The following CABLES1 variants were observed in gnomAD, a reference collection of about 807,000 sequenced individuals.
CABLES1 encodes the protein CDK5 and ABL1 enzyme substrate 1.
CABLES1 carries 36 observed loss-of-function variants against 57.8 expected under a neutral mutation model. That is an observed-to-expected ratio of 0.62 (90% CI 0.48 to 0.82). CABLES1 has a LOEUF of 0.82. Among genes scored for constraint, CABLES1 ranks in the 40% least tolerant of loss-of-function variants. CABLES1 has a pLI of 0.00. For synonymous variants in CABLES1, 374 were observed against 363.0 expected, an observed-to-expected ratio of 1.03 and a Z score of -0.35; for missense variants, 767 against 836.6, an observed-to-expected ratio of 0.92 and a Z score of 1.03.
In CABLES1 at chr18:23,233,825, C is replaced by A. The variant is rs150623372; in HGVS notation, c.1089-783C>A. Reference sequence around the variant, plus strand: ...AGAAGTGACTACTGTGGCATTAATTCTTTCATCACCAACAATAAACCCAGT... The same window carrying A: ...AGAAGTGACTACTGTGGCATTAATTATTTCATCACCAACAATAAACCCAGT... On this transcript the variant is annotated intron_variant, in intron 4 of 9. Transcript: ENST00000256925. 1.6e-4 allele frequency among the ~76,000 whole-genome samples: 25 copies of A among 152,306 alleles called. No homozygotes were observed. The East Asian group carries it at 3.5e-3, about 21-fold the overall frequency.
Position 23,253,048 on chromosome 18 carries a change from C to T in CABLES1, c.1535C>T (p.Thr512Ile). 1.2e-6 allele frequency: 2 copies of T among 1,611,754 alleles called. No individual in the cohort carries two copies. The highest frequency in any genetic ancestry group is 1.7e-6 in the Non-Finnish European group (2 of 1,177,908). ...GAGAAGTTTCCTCACATTAAGCTGA[C>T]ACTCAGCAAAATTAGGAGGTACGGG... Reference protein sequence around the residue: ...FKEKFPHIKLTLSKIRSLKRE... With the variant: ...FKEKFPHIKLILSKIRSLKRE... The change falls in exon 8 of 10, where the codon ACA (threonine) becomes ATA (isoleucine). Residue 512 changes from threonine (T) to isoleucine (I), a missense_variant. Thr to Ile is a moderately conservative substitution (Grantham distance 89). This residue lies in a region of CABLES1 where 529 missense variants were observed against 622.8 expected (regional missense o/e 0.85). Coordinates refer to ENST00000256925, the MANE Select transcript of CABLES1 (RefSeq NM_001100619.3).
At chr18:23,222,951 C>G (rs902113636) in intron 4 of CABLES1, among the ~76,000 whole-genome samples, 2 of 152,256 alleles carry the variant, frequency 1.3e-5, no homozygotes, top group Non-Finnish European at 2.9e-5. Context: ...CTCCCACCCA[C>G]TAGCCAGGTG....
intron 3 of CABLES1, among the ~76,000 whole-genome samples, chr18:23,212,541 G>A (rs1289125116): frequency 6.6e-6 from 1 of 152,116 alleles, no homozygotes; most frequent in African/African-American, 2.4e-5. Flanking sequence ...GATTGCATAG[G>A]ATGCCTGCAG....
intron 6 of CABLES1, among the ~76,000 whole-genome samples, chr18:23,236,253 T>G (rs565462469): frequency 7.2e-5 from 11 of 152,318 alleles, no homozygotes; most frequent in African/African-American, 2.6e-4. Context: ...ACCCAGTCGT[T>G]GACAGCCTGA....
intron 3 of CABLES1, among the ~76,000 whole-genome samples, chr18:23,200,550 C>T (rs778791982): frequency 3.3e-5 from 5 of 152,048 alleles, no homozygotes; most frequent in South Asian, 2.1e-4. Flanking sequence ...GCGTGAGCCA[C>T]CGTGCCCGGT....
In CABLES1 at chr18:23,136,081, C is replaced by G; in HGVS notation, c.319C>G (p.Arg107Gly). The G allele has an allele frequency of 3.5e-5, 41 of 1,174,622 alleles. No individual in the cohort carries two copies. Among genetic ancestry groups the G allele is most frequent in the Non-Finnish European group, 4.2e-5 (40 of 952,556 alleles). 72.8% of individuals were successfully genotyped at this position (1,174,622 alleles called of 1,614,324 possible). ...GAGGACGART[R>G]FSLLAAAERG... The stretch of plus-strand genomic sequence containing the variant: ...CGGCGGCGCCTGCGGCGCGAGGACT[C>G]GGTTCAGCTTGCTCGCCGCTGCCGA... Residue 107 changes from arginine to glycine, a missense_variant, in exon 1 of 10, where the codon CGG becomes GGG. Physicochemically the swap from Arg to Gly is moderately radical, Grantham distance 125 (BLOSUM62 -2). This residue lies in a region of CABLES1 where 198 missense variants were observed against 149.7 expected (regional missense o/e 1.32). Coordinates refer to ENST00000256925, the MANE Select transcript of CABLES1 (RefSeq NM_001100619.3).
chr18:23,177,331 C>T (rs1335678388), intron 1 of CABLES1, among the ~76,000 whole-genome samples: 1 of 151,780 alleles, frequency 6.6e-6, no homozygotes, highest in African/African-American at 2.4e-5. Flanking sequence ...CACACTTGCT[C>T]ACCCATGTAA....
intron 1 of CABLES1, among the ~76,000 whole-genome samples, chr18:23,147,181 T>G (rs895275219): frequency 6.6e-6 from 1 of 152,148 alleles, no homozygotes; most frequent in Non-Finnish European, 1.5e-5. Context: ...TTGGTATCAG[T>G]TCCTCCCGCA....
At chr18:23,174,532 C>A (rs1228995789) in intron 1 of CABLES1, among the ~76,000 whole-genome samples, 1 of 151,286 alleles carries the variant, frequency 6.6e-6, no homozygotes, top group Admixed American at 6.6e-5. Flanking sequence ...AGTGCAGTGG[C>A]ACGATCTCAG....
intron 4 of CABLES1, chr18:23,219,039 T>G (rs929115271): frequency 2.7e-6 from 1 of 373,470 alleles, no homozygotes; most frequent in Admixed American, 3.4e-5. Flanking sequence ...TAAAATTTCT[T>G]TATCCCCACC....
At chr18:23,150,290 G>C (rs533181420) in intron 1 of CABLES1, among the ~76,000 whole-genome samples, 3 of 137,248 alleles carry the variant, frequency 2.2e-5, no homozygotes, top group African/African-American at 8.3e-5. Context: ...CTCACTGCCA[G>C]CTCCACCTCC....
chr18:23,241,080 A>C (rs2047724547), intron 7 of CABLES1, among the ~76,000 whole-genome samples: 2 of 152,110 alleles, frequency 1.3e-5, no homozygotes, highest in African/African-American at 4.8e-5. Context: ...TACTATTCTC[A>C]CTTCTGTCAC....
intron 3 of CABLES1, among the ~76,000 whole-genome samples, chr18:23,209,080 T>C (rs2047385157): frequency 6.6e-6 from 1 of 152,234 alleles, no homozygotes; most frequent in Admixed American, 6.5e-5. Flanking sequence ...CCACATGGTC[T>C]GAAAATATTA....
intron 1 of CABLES1, among the ~76,000 whole-genome samples, chr18:23,183,044 A>G (rs1306944800): frequency 1.3e-5 from 2 of 152,246 alleles, no homozygotes; most frequent in African/African-American, 4.8e-5. Flanking sequence ...GGATGACGAC[A>G]GAGCATTAGT....
At chr18:23,135,361 G>A (rs1251915319), upstream of CABLES1, 3 of 152,476 alleles carry the variant, frequency 2.0e-5, no homozygotes, top group Non-Finnish European at 4.4e-5. Flanking sequence ...GCCGCCGCCT[G>A]CGGCTTTGTT....
chr18:23,240,777 G>C (rs1029823243), intron 7 of CABLES1, among the ~76,000 whole-genome samples: 2 of 152,170 alleles, frequency 1.3e-5, no homozygotes, highest in African/African-American at 4.8e-5. Flanking sequence ...TGAAATCCTG[G>C]GACTGTCCTC....
At chr18:23,253,119 C>T (rs979293909) in intron 8 of CABLES1, 53 bp downstream of exon 8, 2 of 985,342 alleles carry the variant, frequency 2.0e-6, no homozygotes, top group Admixed American at 1.7e-5. Context: ...CCTCTTTCCA[C>T]ACACCGTAAG....
chr18:23,235,610 G>A (rs1351919787), intron 5 of CABLES1, among the ~76,000 whole-genome samples: 2 of 152,194 alleles, frequency 1.3e-5, no homozygotes, highest in African/African-American at 2.4e-5. Context: ...AGCAGGTCCT[G>A]AGATAGTACC....
intron 7 of CABLES1, among the ~76,000 whole-genome samples, chr18:23,250,108 G>C (rs1480700426): frequency 6.6e-6 from 1 of 152,216 alleles, no homozygotes; most frequent in Admixed American, 6.5e-5. Context: ...TGCTGTGGTT[G>C]CTGCGAGGAG....
Sources: gnomAD v4.1 joint callset for allele counts (sites outside exome capture counted in the v4.1 genomes callset) on GRCh38, gnomAD v4.1.1 for gene constraint, gnomAD v4.1.1 regional missense constraint, MANE v1.5 for transcripts, NCBI Gene and HGNC (gene_info 2026-07-23, HGNC 2026-07-21) for gene names.